The following BBS9 variants were observed in gnomAD, a reference collection of about 807,000 sequenced individuals.
BBS9 encodes the protein protein PTHB1.
In BBS9, 89 loss-of-function variants were observed where a neutral mutation model predicts 117.7. That is an observed-to-expected ratio of 0.76 (90% confidence interval 0.64 to 0.90). The LOEUF (loss-of-function observed/expected upper bound fraction) is 0.90, where lower values mean the gene tolerates loss of function less well. Among genes scored for constraint, BBS9 ranks in the 40% least tolerant of loss-of-function variants. The pLI is 0.00. For missense variants in BBS9, 982 were observed against 1,042.2 expected, an observed-to-expected ratio of 0.94 and a Z score of 0.80; for synonymous variants, 379 against 370.9, an observed-to-expected ratio of 1.02 and a Z score of -0.25.
At chr7:33,430,935 T>G (rs1278217996) in intron 19 of BBS9, among the ~76,000 whole-genome samples, 9 of 151,844 alleles carry the variant, frequency 5.9e-5, no homozygotes, top group African/African-American at 1.9e-4. Context: ...ACGCCTATAA[T>G]CTCAGCATTT....
downstream of BBS9, among the ~76,000 whole-genome samples, chr7:33,606,917 A>G (rs1473277244): frequency 1.3e-5 from 2 of 152,020 alleles, no homozygotes; most frequent in Admixed American, 6.6e-5. Context: ...TCTCTCTTAT[A>G]TGCCCCTTAA....
intron 5 of BBS9, among the ~76,000 whole-genome samples, chr7:33,255,828 CT>C (rs756283870): frequency 6.6e-5 from 10 of 152,082 alleles, no homozygotes; most frequent in Non-Finnish European, 1.0e-4. Flanking sequence ...TTTTTGGAAA[CT>C]TTTAATAGCA....
intron 20 of BBS9, among the ~76,000 whole-genome samples, chr7:33,514,628 A>G (rs1847465880): frequency 6.6e-6 from 1 of 152,220 alleles, no homozygotes. Context: ...ATCGAGTGAG[A>G]AAAATATAGA....
intron 19 of BBS9, among the ~76,000 whole-genome samples, chr7:33,395,892 CA>C (rs1377296596): frequency 6.6e-6 from 1 of 152,096 alleles, no homozygotes; most frequent in African/African-American, 2.4e-5. Context: ...GTAAAAATAA[CA>C]TGCTGAGAGA....
chr7:33,590,459 G>GTT (rs71554107), intron 21 of BBS9, among the ~76,000 whole-genome samples: 182 of 101,488 alleles, frequency 1.8e-3, no homozygotes, highest in Non-Finnish European at 2.7e-3. Flanking sequence ...TTGTTTTTTT[G>GTT]TTTTTTTTTT....
At chr7:33,597,947 G>T (rs1025639628) in intron 21 of BBS9, among the ~76,000 whole-genome samples, 2 of 151,664 alleles carry the variant, frequency 1.3e-5, no homozygotes, top group African/African-American at 4.8e-5. Flanking sequence ...TGAGCGTGAT[G>T]CTAGGTTTAC....
intron 21 of BBS9, among the ~76,000 whole-genome samples, chr7:33,567,849 T>C (rs984796962): frequency 6.6e-6 from 1 of 152,210 alleles, no homozygotes; most frequent in African/African-American, 2.4e-5. Context: ...GGATTAGTAC[T>C]GGCACCTATA....
chr7:33,451,713 G>A (rs373712921), intron 19 of BBS9, among the ~76,000 whole-genome samples: 11 of 152,114 alleles, frequency 7.2e-5, no homozygotes, highest in South Asian at 2.1e-4. Context: ...TTTTCTTCCT[G>A]TTTTTGCATA....
chr7:33,281,366 C>CT (rs397890694), intron 9 of BBS9, among the ~76,000 whole-genome samples: 694 of 43,892 alleles, frequency 0.016, 10 homozygotes, highest in Middle Eastern at 0.038. Flanking sequence ...TGGTCTATGC[C>CT]TTTTTTTTTT....
At chr7:33,272,880 GA>G (rs1800059503) in intron 7 of BBS9, 131 bp from the exon 8 acceptor site, 13 of 890,912 alleles carry the variant, frequency 1.5e-5, no homozygotes, top group Non-Finnish European at 2.2e-5. Context: ...AAAGAATAAA[GA>G]AATGAAAGAG....
downstream of BBS9, among the ~76,000 whole-genome samples, chr7:33,606,280 C>A (rs1414337304): frequency 6.6e-6 from 1 of 152,050 alleles, no homozygotes. Context: ...CTCTTTAAGT[C>A]CTTTATGTCA....
At chr7:33,316,779 T>A (rs2128567614) in intron 9 of BBS9, among the ~76,000 whole-genome samples, 1 of 152,300 alleles carries the variant, frequency 6.6e-6, no homozygotes, top group African/African-American at 2.4e-5. Flanking sequence ...ACGCAAGTCC[T>A]TTGATGAAAA....
At chr7:33,514,801 G>A (rs1280399450) in intron 20 of BBS9, among the ~76,000 whole-genome samples, 1 of 151,984 alleles carries the variant, frequency 6.6e-6, no homozygotes, top group African/African-American at 2.4e-5. Flanking sequence ...CAGGGTTTTG[G>A]TTCTTAATTA....
chr7:33,220,897 G>T (rs1790118588), intron 5 of BBS9, among the ~76,000 whole-genome samples: 1 of 152,154 alleles, frequency 6.6e-6, no homozygotes, highest in African/African-American at 2.4e-5. Context: ...CATGTTATAT[G>T]GTTTTAATTT....
intron 5 of BBS9, among the ~76,000 whole-genome samples, chr7:33,209,257 G>A (rs1787558630): frequency 6.6e-6 from 1 of 152,226 alleles, no homozygotes; most frequent in South Asian, 2.1e-4. Context: ...CATTCATGTT[G>A]TTGCAAATGA....
Position 33,307,001 on chromosome 7 carries a change from C to G in BBS9, c.1017-29440C>G, listed in dbSNP as rs375017104. ...TATGTACGCGGTATCTGTGAGGAAT[C>G]TTCTCAGCTATTAAATGCAAGACTT... On this transcript the variant is annotated intron_variant, in intron 9 of 22. Coordinates refer to ENST00000242067, the MANE Select transcript of BBS9 (RefSeq NM_198428.3). 2.6e-3 allele frequency among the ~76,000 whole-genome samples: 395 copies of G among 152,246 alleles called. 11 individuals are homozygous for G. The South Asian group carries it at 0.048, about 19-fold the overall frequency.
intron 21 of BBS9, among the ~76,000 whole-genome samples, chr7:33,540,918 A>G (rs1420710111): frequency 6.6e-6 from 1 of 152,214 alleles, no homozygotes; most frequent in Non-Finnish European, 1.5e-5. Flanking sequence ...AAGTGACTCC[A>G]TAATTTCGCA....
chr7:33,152,999 C>A, intron 3 of BBS9, 148 bp downstream of exon 3: 1 of 835,532 alleles, frequency 1.2e-6, no homozygotes, highest in Non-Finnish European at 1.9e-6. Flanking sequence ...GTATGGAATG[C>A]TTTTTATGTG....
Position 33,631,313 on chromosome 7 carries a change from G to A in BBS9, c.2522-3864G>A, listed in dbSNP as rs1047263419. ...TATCCCAGCAGCGTTCCATGCCAGC[G>A]GGCTCTTCCTTCTCTCTGGACCCTC... On this transcript the variant is annotated intron_variant, in intron 21 of 21. Transcript: ENST00000671952. Among the ~76,000 whole-genome samples the A allele has an allele frequency of 3.9e-5, 6 of 152,208 alleles. No homozygotes were observed. The South Asian group carries it at 6.2e-4, about 16-fold the overall frequency.
Sources: gnomAD v4.1 joint callset for allele counts (sites outside exome capture counted in the v4.1 genomes callset) on GRCh38, gnomAD v4.1.1 for gene constraint, MANE v1.5 for transcripts, NCBI Gene and HGNC (gene_info 2026-07-23, HGNC 2026-07-21) for gene names.